GTF3C4: variants seen among roughly 807,000 people sequenced by gnomAD.
The protein encoded by GTF3C4 is general transcription factor 3C polypeptide 4.
Under a neutral mutation model 67.5 loss-of-function variants are expected in GTF3C4, and 28 were observed. The ratio of observed to expected loss-of-function variants is 0.41; its 90% CI spans 0.31 to 0.57. GTF3C4 has a LOEUF of 0.57. GTF3C4 is among the 20% of genes least tolerant of loss of function. GTF3C4 has a pLI of 0.21. For synonymous variants in GTF3C4, 409 were observed against 393.0 expected (o/e 1.04, Z -0.48); for missense variants, 831 against 1,033.2 (o/e 0.80, Z 2.68).
intron 3 of GTF3C4, 53 bp from the exon 4 acceptor site, chr9:132,687,186 A>G (rs114635505): frequency 6.5e-6 from 6 of 929,508 alleles, no homozygotes; most frequent in Non-Finnish European, 1.1e-5. Context: ...TCAGTTTCTG[A>G]GTGTTAGTAG....
chr9:132,670,739 C>T lies in GTF3C4; in HGVS notation c.141C>T (p.Phe47=), dbSNP rs776466561. ...CGGCCCCGGGGCCCAGCGCTGCATT[C>T]CGCCTCATGGTGACTCGGCGGGAGC... ...ADAAPGPSAA[F]RLMVTRREPA... is the part of the protein sequence containing the mutation. The change falls in exon 1 of 5, where the codon TTC becomes TTT. Residue 47 remains phenylalanine, a synonymous_variant. Coordinates refer to ENST00000372146, the MANE Select transcript of GTF3C4 (RefSeq NM_012204.4). 2.7e-5 allele frequency: 42 copies of T among 1,546,992 alleles called. No homozygotes were observed. Among genetic ancestry groups the T allele is most frequent in the Middle Eastern group, 3.9e-4 (2 of 5,100 alleles).
Position 132,679,053 on chromosome 9 carries a change from C to A in GTF3C4, c.1434C>A (p.His478Gln). The change falls in exon 2 of 5, where the codon CAC becomes CAA. Residue 478 changes from histidine to glutamine, a missense_variant. Coordinates refer to ENST00000372146, the MANE Select transcript of GTF3C4 (RefSeq NM_012204.4). This position sits in a 1 kb window ranked among gnomAD's most constrained non-coding sequence, Gnocchi z 5.9. ...LSDVFGSVRT[H>Q]GIAVSPCGAY... ...ATGTGTTTGGCTCAGTGAGGACTCACGGGATAGCAGTGAGCCCCTGCGGTG... is the reference window on the plus strand; with the variant it reads ...ATGTGTTTGGCTCAGTGAGGACTCAAGGGATAGCAGTGAGCCCCTGCGGTG... The A allele has an allele frequency of 1.9e-6, 3 of 1,614,170 alleles. No individual in the cohort carries two copies. Among genetic ancestry groups the A allele is most frequent in the Non-Finnish European group, 2.5e-6 (3 of 1,180,028 alleles).
intron 1 of GTF3C4, among the ~76,000 whole-genome samples, chr9:132,675,999 T>C (rs973221799): frequency 3.4e-5 from 5 of 148,064 alleles, no homozygotes; most frequent in Non-Finnish European, 5.9e-5. Context: ...CCCGGGTTCA[T>C]GCCATTCTCC....
chr9:132,678,218 T>C lies in GTF3C4; in HGVS notation c.599T>C (p.Leu200Pro), dbSNP rs145407571. ...RLTIQANLNR[L>P]QWVQLVDLTE... ...ACCATCCAGGCAAATCTCAACAGAC[T>C]GCAGTGGGTCCAGCTGGTTGACCTG... is the stretch of plus-strand genomic sequence containing the variant. Residue 200 changes from leucine (L) to proline (P), a missense_variant, in exon 2 of 5, where the codon CTG (leucine) becomes CCG (proline). Around this residue, in one of 4 missense-constraint regions of GTF3C4, gnomAD observed 390 missense variants for 540.3 expected, o/e 0.72. Coordinates refer to ENST00000372146, the MANE Select transcript of GTF3C4 (RefSeq NM_012204.4). The surrounding 1 kb of genome is among the most constrained non-coding windows in gnomAD (Gnocchi z 6.5). 3.2e-5 allele frequency: 51 copies of C among 1,614,112 alleles called. No individual in the cohort carries two copies. The highest frequency in any genetic ancestry group is 5.3e-5 in the African/African-American group (4 of 74,934).
Position 132,679,216 on chromosome 9 carries a change from C to T in GTF3C4, c.1597C>T (p.Leu533Phe). Residue 533 changes from leucine to phenylalanine, a missense_variant, in exon 2 of 5, where the codon CTT (leucine) becomes TTT (phenylalanine). Coordinates refer to ENST00000372146, the MANE Select transcript of GTF3C4 (RefSeq NM_012204.4). The surrounding 1 kb of genome is among the most constrained non-coding windows in gnomAD (Gnocchi z 5.9). ...AQLLESSVQNLFKQVDLIDLV... is the reference protein window; with the variant it reads ...AQLLESSVQNFFKQVDLIDLV... Reference sequence around the variant, plus strand: ...GCTCCTGGAATCTTCAGTTCAAAACCTTTTTAAGCAGGTAGATTTAATAGA... The same window carrying T: ...GCTCCTGGAATCTTCAGTTCAAAACTTTTTTAAGCAGGTAGATTTAATAGA... 6.2e-7 allele frequency: 1 copy of T among 1,614,026 alleles called. No homozygotes were observed. Among genetic ancestry groups the T allele is most frequent in the Non-Finnish European group, 8.5e-7 (1 of 1,179,950 alleles).
At position 132,679,458 on chromosome 9, in the gene GTF3C4, G is replaced by A. The variant is rs1835909551; in HGVS notation, c.1839G>A (p.Gly613=). 2 of 1,614,042 alleles carry A rather than the reference G, an allele frequency of 1.2e-6. No individual in the cohort carries two copies. Among genetic ancestry groups the A allele is most frequent in the Non-Finnish European group, 1.7e-6 (2 of 1,180,048 alleles). ...DSKILLVDSP[G]MGNADDEQQE... ...AAATCTTACTAGTGGATTCGCCTGG[G>A]ATGGGCAATGCTGACGATGAACAGC... Residue 613 remains glycine, a synonymous_variant, in exon 2 of 5, where the codon GGG becomes GGA. Coordinates refer to ENST00000372146, the MANE Select transcript of GTF3C4 (RefSeq NM_012204.4). The surrounding 1 kb of genome is among the most constrained non-coding windows in gnomAD (Gnocchi z 5.9).
upstream of GTF3C4, chr9:132,670,375 C>G: frequency 4.1e-6 from 5 of 1,224,278 alleles, no homozygotes; most frequent in Non-Finnish European, 5.4e-6. Flanking sequence ...AGGGGGTCCT[C>G]GGGGCTCCCC....
Position 132,678,865 on chromosome 9 carries a change from T to A in GTF3C4, c.1246T>A (p.Ser416Thr). 1 of 1,614,246 alleles carries A rather than the reference T, an allele frequency of 6.2e-7. No homozygotes were observed. Among genetic ancestry groups the A allele is most frequent in the South Asian group, 1.1e-5 (1 of 91,092 alleles). ...CAAAGCAGGGCTGAATGTTCACAAT[T>A]CCCATGTCACAGGCCTTCACTCACT... ...ISKAGLNVHN[S>T]HVTGLHSLPI... The change falls in exon 2 of 5, where the codon TCC (serine) becomes ACC (threonine). Residue 416 changes from serine (S) to threonine (T), a missense_variant. Physicochemically the swap from Ser to Thr is moderately conservative, Grantham distance 58. Around this residue, in one of 4 missense-constraint regions of GTF3C4, gnomAD observed 390 missense variants for 540.3 expected, o/e 0.72. Transcript: ENST00000372146. This position sits in a 1 kb window ranked among gnomAD's most constrained non-coding sequence, Gnocchi z 6.5.
chr9:132,687,299 C>T lies in GTF3C4; in HGVS notation c.2376C>T (p.Asp792=). The change falls in exon 4 of 5, where the codon GAC becomes GAT. Residue 792 remains aspartate (D), a synonymous_variant. Coordinates refer to ENST00000372146, the MANE Select transcript of GTF3C4 (RefSeq NM_012204.4). ...SLIYRRCLLH[D]SIARHPAPED... ...TATATAGAAGGTGTTTGCTCCATGACAGCATTGCCCGGCATCCAGCTCCAG... is the reference window on the plus strand; with the variant it reads ...TATATAGAAGGTGTTTGCTCCATGATAGCATTGCCCGGCATCCAGCTCCAG... 6.4e-7 allele frequency: 1 copy of T among 1,555,898 alleles called. No homozygotes were observed. Among genetic ancestry groups the T allele is most frequent in the Non-Finnish European group, 8.7e-7 (1 of 1,146,650 alleles).
intron 3 of GTF3C4, among the ~76,000 whole-genome samples, chr9:132,684,092 G>A (rs1345000951): frequency 6.6e-6 from 1 of 152,090 alleles, no homozygotes; most frequent in Non-Finnish European, 1.5e-5. Flanking sequence ...GCACTCCCTG[G>A]TTTTTGTCCT....
chr9:132,678,234 G>T lies in GTF3C4; in HGVS notation c.615G>T (p.Leu205=), dbSNP rs775140462. ...ANLNRLQWVQ[L]VDLTEIYGER... ...TCAACAGACTGCAGTGGGTCCAGCT[G>T]GTTGACCTGACTGAGATCTATGGAG... The change falls in exon 2 of 5, where the codon CTG becomes CTT. Residue 205 remains leucine (L), a synonymous_variant. Coordinates refer to ENST00000372146, the MANE Select transcript of GTF3C4 (RefSeq NM_012204.4). This position sits in a 1 kb window ranked among gnomAD's most constrained non-coding sequence, Gnocchi z 6.5. 1.9e-6 allele frequency: 3 copies of T among 1,614,218 alleles called. No individual in the cohort carries two copies. Among genetic ancestry groups the T allele is most frequent in the Admixed American group, 1.7e-5 (1 of 60,022 alleles).
intron 1 of GTF3C4, among the ~76,000 whole-genome samples, chr9:132,676,475 C>T (rs557734): frequency 0.48 from 72,160 of 151,082 alleles, 17,982 homozygotes; most frequent in African/African-American, 0.62. Context: ...CCCACCACCA[C>T]GCCTGGCTAA....
Position 132,681,153 on chromosome 9 carries a change from A to G in GTF3C4, c.2184+1350A>G, listed in dbSNP as rs371535448. 5.1e-4 allele frequency among the ~76,000 whole-genome samples: 77 copies of G among 152,338 alleles called. No homozygotes were observed. In the South Asian group the frequency reaches 0.015, roughly 30 times the overall value. On this transcript the variant is annotated intron_variant, in intron 2 of 4. Coordinates refer to ENST00000372146, the MANE Select transcript of GTF3C4 (RefSeq NM_012204.4). ...TTTCATTGTGTTCCACATTGTCTGGAAAAGTATTCTGGTTATCACAGTGCC... is the reference window on the plus strand; with the variant it reads ...TTTCATTGTGTTCCACATTGTCTGGGAAAGTATTCTGGTTATCACAGTGCC...
rs72145516 is a variant in GTF3C4 at position 132,675,895 on chromosome 9, C to CTTTTTTTTTTTT, written c.358-2072_358-2061dup. Among the ~76,000 whole-genome samples the CTTTTTTTTTTTT allele has an allele frequency of 5.6e-5, 5 of 89,034 alleles. 1 individual carries two copies. The highest frequency in any genetic ancestry group is 9.5e-5 in the African/African-American group (2 of 21,116). The allele number at this position is 89,034 out of a possible 152,430, so 58.4% of individuals were successfully genotyped here. ...ATAAGAATAGACTATTCCAGTTACC[C>CTTTTTTTTTTTT]TTTTTTTTTTTTTTTTTTTTTGAGA... On this transcript the variant is annotated intron_variant, in intron 1 of 4. Transcript: ENST00000372146.
At chr9:132,670,110 G>A, upstream of GTF3C4, 1 of 1,572,714 alleles carries the variant, frequency 6.4e-7, no homozygotes, top group Non-Finnish European at 8.6e-7. Context: ...CGGGCGGGTA[G>A]GGACAAGACT....
chr9:132,684,329 T>C (rs919957926), intron 3 of GTF3C4, among the ~76,000 whole-genome samples: 1 of 152,202 alleles, frequency 6.6e-6, no homozygotes, highest in Non-Finnish European at 1.5e-5. Flanking sequence ...GCATTTCAAA[T>C]TGGAATCCAA....
intron 1 of GTF3C4, among the ~76,000 whole-genome samples, chr9:132,674,080 C>CG (rs1361125000): frequency 6.6e-6 from 1 of 152,182 alleles, no homozygotes; most frequent in African/African-American, 2.4e-5. Context: ...TCTTTGGACT[C>CG]TATTACCTGT....
At chr9:132,684,057 T>G (rs1225425121) in intron 3 of GTF3C4, among the ~76,000 whole-genome samples, 1 of 152,170 alleles carries the variant, frequency 6.6e-6, no homozygotes, top group African/African-American at 2.4e-5. Context: ...TTGAAGCACT[T>G]TCATCACCTG....
At chr9:132,670,343 G>GC, upstream of GTF3C4, 1 of 1,419,114 alleles carries the variant, frequency 7.0e-7, no homozygotes, top group South Asian at 1.6e-5. Flanking sequence ...AGGCTCTGGA[G>GC]CTCAATCCCT....
Sources: allele counts gnomAD v4.1 joint callset (sites outside exome capture counted in the v4.1 genomes callset), GRCh38; gene constraint gnomAD v4.1.1; regional missense constraint gnomAD v4.1.1; non-coding constraint Gnocchi (gnomAD v3.1); transcripts MANE v1.5; gene names NCBI Gene and HGNC (gene_info 2026-07-23, HGNC 2026-07-21).